PKHD1L1: variants seen among roughly 807,000 people sequenced by gnomAD.
PKHD1L1 encodes fibrocystin-L.
PKHD1L1 carries 434 observed loss-of-function variants against 462.9 expected under a neutral mutation model. The ratio of observed to expected loss-of-function variants is 0.94; its 90% CI spans 0.87 to 1.02. The LOEUF (loss-of-function observed/expected upper bound fraction) is 1.02, where lower values mean the gene tolerates loss of function less well. PKHD1L1 is among the 50% of genes least tolerant of loss of function. PKHD1L1 has a pLI of 0.00. For missense variants in PKHD1L1, 5,202 were observed against 5,096.1 expected, an observed-to-expected ratio of 1.02 and a Z score of -0.63; for synonymous variants, 1,781 against 1,750.0, an observed-to-expected ratio of 1.02 and a Z score of -0.44.
chr8:109,523,023 T>C, intron 75 of PKHD1L1, 133 bp downstream of exon 75: 1 of 1,087,818 alleles, frequency 9.2e-7, no homozygotes, highest in East Asian at 2.6e-5. Context: ...TGGACTAATA[T>C]CCAAGGATAC....
At chr8:109,385,785 A>G (rs900283151) in intron 6 of PKHD1L1, among the ~76,000 whole-genome samples, 155 bp downstream of exon 6, 1 of 152,046 alleles carries the variant, frequency 6.6e-6, no homozygotes, top group Non-Finnish European at 1.5e-5. Context: ...AAAACAGACT[A>G]TTGGAAGATT....
intron 50 of PKHD1L1, among the ~76,000 whole-genome samples, chr8:109,474,174 T>C (rs1254653897): frequency 1.3e-5 from 2 of 152,218 alleles, no homozygotes; most frequent in Non-Finnish European, 1.5e-5. Flanking sequence ...TTTTCTCTCA[T>C]GGCTTTGGAA....
chr8:109,473,518 GA>G (rs1018548199), intron 50 of PKHD1L1, among the ~76,000 whole-genome samples: 218 of 130,974 alleles, frequency 1.7e-3, no homozygotes, highest in Middle Eastern at 4.2e-3. Context: ...TCCATCTCAA[GA>G]AAAAAAAAAA....
intron 47 of PKHD1L1, among the ~76,000 whole-genome samples, chr8:109,461,512 C>T (rs1456985649): frequency 6.6e-6 from 1 of 152,046 alleles, no homozygotes; most frequent in African/African-American, 2.4e-5. Flanking sequence ...ATCAATATTC[C>T]CTTGATCATT....
chr8:109,486,029 C>T (rs1217194108), intron 58 of PKHD1L1, among the ~76,000 whole-genome samples: 1 of 151,696 alleles, frequency 6.6e-6, no homozygotes, highest in Non-Finnish European at 1.5e-5. Context: ...TGAAATGCAC[C>T]TGCTTGTCTT....
At chr8:109,378,228 C>T (rs1181493949) in intron 2 of PKHD1L1, among the ~76,000 whole-genome samples, 1 of 152,120 alleles carries the variant, frequency 6.6e-6, no homozygotes, top group Non-Finnish European at 1.5e-5. Context: ...ATTATTTATC[C>T]CATTTTTCAC....
chr8:109,386,087 G>T (rs981156283), intron 6 of PKHD1L1, among the ~76,000 whole-genome samples: 1 of 152,160 alleles, frequency 6.6e-6, no homozygotes, highest in South Asian at 2.1e-4. Flanking sequence ...TGATGTACAG[G>T]CAAGTGCTGA....
In PKHD1L1 at chr8:109,443,909, A is replaced by C. The variant is rs754427125; in HGVS notation, c.4791+7A>C. On this transcript the variant is annotated splice_region_variant and intron_variant, in intron 37 of 77. Coordinates refer to ENST00000378402, the MANE Select transcript of PKHD1L1 (RefSeq NM_177531.6). ...TCTCCCATGGGCTAATAAGGTAAGAATATAAATACCTCCTTTGTACTTCTA... is the reference window on the plus strand; with the variant it reads ...TCTCCCATGGGCTAATAAGGTAAGACTATAAATACCTCCTTTGTACTTCTA... The C allele has an allele frequency of 6.3e-7, 1 of 1,576,006 alleles. No individual in the cohort carries two copies. Among genetic ancestry groups the C allele is most frequent in the South Asian group, 1.1e-5 (1 of 89,480 alleles).
chr8:109,434,843 A>C (rs1388503279), intron 28 of PKHD1L1, among the ~76,000 whole-genome samples: 1 of 152,112 alleles, frequency 6.6e-6, no homozygotes, highest in Non-Finnish European at 1.5e-5. Flanking sequence ...ATGTTTGACC[A>C]AAAATTTTAG....
At chr8:109,485,297 T>G in intron 58 of PKHD1L1, 124 bp downstream of exon 58, 1 of 845,930 alleles carries the variant, frequency 1.2e-6, no homozygotes, top group Non-Finnish European at 1.7e-6. Flanking sequence ...TTATTCAGAT[T>G]GGCAATGATA....
At chr8:109,426,736 T>C (rs1379757825) in intron 24 of PKHD1L1, among the ~76,000 whole-genome samples, 1 of 152,150 alleles carries the variant, frequency 6.6e-6, no homozygotes. Flanking sequence ...CACTACAACC[T>C]CCGCCTTCCG....
intron 32 of PKHD1L1, among the ~76,000 whole-genome samples, chr8:109,439,653 G>A (rs1198969753): frequency 6.6e-6 from 1 of 152,110 alleles, no homozygotes; most frequent in Non-Finnish European, 1.5e-5. Flanking sequence ...ATCTGAAGGA[G>A]ATGATGCAGA....
At chr8:109,384,026 CA>C in intron 4 of PKHD1L1, 43 bp from the exon 5 acceptor site, 1 of 1,320,054 alleles carries the variant, frequency 7.6e-7, no homozygotes, top group Non-Finnish European at 1.1e-6. Context: ...AAACTAGAAA[CA>C]AAACAGAGAT....
Position 109,430,007 on chromosome 8 carries a change from C to A in PKHD1L1, c.3199C>A (p.Pro1067Thr), listed in dbSNP as rs773977340. 12 of 1,610,026 alleles carry A rather than the reference C, an allele frequency of 7.5e-6. No individual in the cohort carries two copies. The highest frequency in any genetic ancestry group is 9.3e-6 in the Non-Finnish European group (11 of 1,178,660). Residue 1067 changes from proline to threonine, a missense_variant, in exon 27 of 78, where the codon CCC becomes ACC. Transcript: ENST00000378402. ...ATTTACATGGGATTCCAACATTACT[C>A]CCCTAGTCTTGGCGATAAGCCCTTC... The part of the protein sequence containing the change: ...CGFTWDSNIT[P>T]LVLAISPSQG...
chr8:109,440,872 G>C lies in PKHD1L1; in HGVS notation c.4099+20G>C. On this transcript the variant is annotated intron_variant, in intron 33 of 77. Transcript: ENST00000378402. Reference sequence around the variant, plus strand: ...TGTTAGGTAAGAGCTTCATTCATAGGAAAGTGATTATCATTTTTCTCAGCT... The same window carrying C: ...TGTTAGGTAAGAGCTTCATTCATAGCAAAGTGATTATCATTTTTCTCAGCT... 6.2e-7 allele frequency: 1 copy of C among 1,605,924 alleles called. No homozygotes were observed. Among genetic ancestry groups the C allele is most frequent in the Non-Finnish European group, 8.5e-7 (1 of 1,175,746 alleles).
intron 56 of PKHD1L1, 111 bp from the exon 57 acceptor site, chr8:109,482,876 C>A: frequency 1.5e-6 from 1 of 671,486 alleles, no homozygotes; most frequent in Non-Finnish European, 2.3e-6. Context: ...TCCTTTTGTT[C>A]TAAAATGTTT....
intron 2 of PKHD1L1, among the ~76,000 whole-genome samples, chr8:109,368,598 C>A (rs1431009429): frequency 6.6e-6 from 1 of 152,194 alleles, no homozygotes; most frequent in African/African-American, 2.4e-5. Flanking sequence ...CACGCTGTAT[C>A]TTTCTTTCCC....
intron 21 of PKHD1L1, among the ~76,000 whole-genome samples, chr8:109,414,121 T>A (rs998539235): frequency 1.3e-5 from 2 of 152,158 alleles, no homozygotes; most frequent in African/African-American, 4.8e-5. Flanking sequence ...AATTTTTATA[T>A]CTTCTGAAAT....
intron 19 of PKHD1L1, among the ~76,000 whole-genome samples, chr8:109,410,720 C>CTTTT (rs373016127): frequency 2.8e-5 from 2 of 70,338 alleles, no homozygotes; most frequent in African/African-American, 1.4e-4. Context: ...CTTTTCTTTT[C>CTTTT]TTTTTCTTTT....
Sources: allele counts gnomAD v4.1 joint callset (sites outside exome capture counted in the v4.1 genomes callset), GRCh38; gene constraint gnomAD v4.1.1; transcripts MANE v1.5; gene names NCBI Gene and HGNC (gene_info 2026-07-23, HGNC 2026-07-21).